DCUN1D4: variants seen among roughly 807,000 people sequenced by gnomAD.
DCUN1D4 encodes DCN1-like protein 4.
In DCUN1D4, 22 loss-of-function variants were observed where a neutral mutation model predicts 47.9. The observed-to-expected ratio is 0.46, with a 90% CI of 0.33 to 0.66. The LOEUF is 0.66. Among genes scored for constraint, DCUN1D4 ranks in the 30% least tolerant of loss-of-function variants. The probability of loss-of-function intolerance (pLI) is 0.02; values close to 1 mark genes in which losing one functional copy is unlikely to be tolerated. For synonymous variants in DCUN1D4, 121 were observed against 112.2 expected, an observed-to-expected ratio of 1.08 and a Z score of -0.50; for missense variants, 301 against 340.8, an observed-to-expected ratio of 0.88 and a Z score of 0.92.
chr4:51,909,269 A>G (rs1733352970), intron 8 of DCUN1D4: 1 of 240,788 alleles, frequency 4.2e-6, no homozygotes, highest in South Asian at 3.9e-5. Flanking sequence ...CAAACTCTGC[A>G]AAGGGAAAAC....
intron 6 of DCUN1D4, among the ~76,000 whole-genome samples, chr4:51,890,589 G>A (rs1456980505): frequency 6.6e-6 from 1 of 152,172 alleles, no homozygotes; most frequent in Non-Finnish European, 1.5e-5. Flanking sequence ...CTACAGAGTG[G>A]CTGGCAGAAT....
At chr4:51,837,460 G>A in the DCUN1D4 span, among the ~76,000 whole-genome samples, 3 of 151,964 alleles carry the variant, frequency 2.0e-5, no homozygotes, top group East Asian at 5.8e-4. Context: ...GAGGTCAGGA[G>A]ATCGAGACCA....
intron 1 of DCUN1D4, among the ~76,000 whole-genome samples, chr4:51,859,416 C>A (rs1374357812): frequency 6.6e-6 from 1 of 151,702 alleles, no homozygotes; most frequent in African/African-American, 2.4e-5. Context: ...TGTTTCTAAC[C>A]CTCTTATGAG....
At chr4:51,903,120 A>G (rs891093093) in intron 8 of DCUN1D4, among the ~76,000 whole-genome samples, 2 of 152,156 alleles carry the variant, frequency 1.3e-5, no homozygotes, top group African/African-American at 4.8e-5. Flanking sequence ...TATATCATAT[A>G]TATCTATGCT....
At chr4:51,843,421 G>T in intron 1 of DCUN1D4, 154 bp downstream of exon 1, 3 of 1,274,808 alleles carry the variant, frequency 2.4e-6, no homozygotes, top group Non-Finnish European at 3.0e-6. Flanking sequence ...GCCGGGGCGG[G>T]CGGTGACGCT....
At chr4:51,897,686 T>C (rs2110089396) in intron 7 of DCUN1D4, among the ~76,000 whole-genome samples, 1 of 152,280 alleles carries the variant, frequency 6.6e-6, no homozygotes, top group South Asian at 2.1e-4. Flanking sequence ...TGATTTCAAG[T>C]CTGGAATAGG....
chr4:51,886,482 T>C (rs1404512533), intron 5 of DCUN1D4, 86 bp from the exon 6 acceptor site: 2 of 1,172,394 alleles, frequency 1.7e-6, no homozygotes, highest in East Asian at 2.5e-5. Context: ...CTTTAAGTCT[T>C]ACTTGTTGAC....
chr4:51,846,780 G>C (rs149144833), intron 1 of DCUN1D4, among the ~76,000 whole-genome samples: 3 of 152,204 alleles, frequency 2.0e-5, no homozygotes, highest in African/African-American at 7.2e-5. Flanking sequence ...AGCTGGTGCA[G>C]TGGCTTAATG....
intron 7 of DCUN1D4, among the ~76,000 whole-genome samples, chr4:51,895,272 A>G (rs1386770941): frequency 2.0e-5 from 3 of 151,768 alleles, no homozygotes; most frequent in Admixed American, 6.6e-5. Context: ...GTGAAACCAG[A>G]GTTTTTAATC....
At chr4:51,885,137 T>A (rs1729253579) in intron 5 of DCUN1D4, among the ~76,000 whole-genome samples, 1 of 152,054 alleles carries the variant, frequency 6.6e-6, no homozygotes, top group Admixed American at 6.6e-5. Context: ...ATATTTAGGC[T>A]CTAGGGAGCC....
intron 1 of DCUN1D4, among the ~76,000 whole-genome samples, chr4:51,849,596 T>C (rs774038011): frequency 6.6e-6 from 1 of 152,134 alleles, no homozygotes; most frequent in African/African-American, 2.4e-5. Flanking sequence ...CCCAGAGGAC[T>C]GGAGGAGGAC....
At chr4:51,868,937 G>A (rs997521705) in intron 3 of DCUN1D4, among the ~76,000 whole-genome samples, 3 of 152,006 alleles carry the variant, frequency 2.0e-5, no homozygotes, top group Admixed American at 2.0e-4. Context: ...GGGCAACATG[G>A]TGAAACCCCG....
Position 51,911,157 on chromosome 4 carries a change from T to C in DCUN1D4, c.703T>C (p.Phe235Leu), listed in dbSNP as rs759338541. 6 of 1,611,962 alleles carry C rather than the reference T, an allele frequency of 3.7e-6. No homozygotes were observed. The South Asian group carries it at 6.6e-5, about 18-fold the overall frequency. Reference protein sequence around the residue: ...LGKIWPLFPVFHQFLEQSKYK... With the variant: ...LGKIWPLFPVLHQFLEQSKYK... The stretch of plus-strand genomic sequence containing the variant: ...AAAAATCTGGCCCCTTTTTCCAGTT[T>C]TTCACCAATTCTTAGAGGTACCAAA... Residue 235 changes from phenylalanine to leucine, a missense_variant, in exon 9 of 11, where the codon TTT becomes CTT. Around this residue, in one of 2 missense-constraint regions of DCUN1D4, gnomAD observed 170 missense variants for 234.5 expected, o/e 0.73. Coordinates refer to ENST00000334635, the MANE Select transcript of DCUN1D4 (RefSeq NM_001040402.3).
At chr4:51,891,144 C>T (rs926627774) in intron 6 of DCUN1D4, among the ~76,000 whole-genome samples, 1 of 152,250 alleles carries the variant, frequency 6.6e-6, no homozygotes. Context: ...CTGCGTGTCT[C>T]CCCCTGTCCA....
chr4:51,849,129 A>G (rs1199127063), intron 1 of DCUN1D4, among the ~76,000 whole-genome samples: 1 of 152,114 alleles, frequency 6.6e-6, no homozygotes, highest in Non-Finnish European at 1.5e-5. Flanking sequence ...CTGTCAGTCC[A>G]TTGACTCTTG....
At chr4:51,874,603 G>A (rs1727400107) in intron 4 of DCUN1D4, 2 of 410,636 alleles carry the variant, frequency 4.9e-6, no homozygotes, top group South Asian at 3.9e-5. Context: ...AGAAGTTAAA[G>A]TTTTATCTTA....
At chr4:51,853,860 G>T (rs970161526) in intron 1 of DCUN1D4, among the ~76,000 whole-genome samples, 1 of 152,210 alleles carries the variant, frequency 6.6e-6, no homozygotes, top group Non-Finnish European at 1.5e-5. Flanking sequence ...TGGGCAGATC[G>T]TGCAGACCCT....
intron 1 of DCUN1D4, chr4:51,843,728 C>G: frequency 8.4e-7 from 1 of 1,193,864 alleles, no homozygotes; most frequent in East Asian, 3.4e-5. Context: ...GCGGGCGGCT[C>G]CGTGAGAAAG....
intron 8 of DCUN1D4, among the ~76,000 whole-genome samples, chr4:51,899,967 G>C (rs1031235278): frequency 1.3e-5 from 2 of 152,124 alleles, no homozygotes; most frequent in African/African-American, 4.8e-5. Context: ...TTTCAGCCTA[G>C]TCACCATACA....
Sources: gnomAD v4.1 joint callset for allele counts (sites outside exome capture counted in the v4.1 genomes callset) on GRCh38, gnomAD v4.1.1 for gene constraint, gnomAD v4.1.1 regional missense constraint, MANE v1.5 for transcripts, NCBI Gene and HGNC (gene_info 2026-07-23, HGNC 2026-07-21) for gene names.